TIMP3: variants seen among roughly 807,000 people sequenced by gnomAD.
TIMP3 encodes the protein TIMP metallopeptidase inhibitor 3.
Under a neutral mutation model 30.0 loss-of-function variants are expected in TIMP3, and 11 were observed. The observed-to-expected ratio is 0.37, with a 90% CI of 0.23 to 0.61. The LOEUF is 0.61. TIMP3 is among the 20% of genes least tolerant of loss of function. The pLI, the probability that TIMP3 is intolerant of heterozygous loss-of-function variation, is 0.70. For missense variants in TIMP3, 181 were observed against 276.8 expected, an observed-to-expected ratio of 0.65 and a Z score of 2.45; for synonymous variants, 112 against 111.3, an observed-to-expected ratio of 1.01 and a Z score of -0.04.
chr22:32,840,493 C>A (rs765506773), intron 1 of TIMP3, among the ~76,000 whole-genome samples: 1 of 152,064 alleles, frequency 6.6e-6, no homozygotes, highest in African/African-American at 2.4e-5. Context: ...GGCTGCTCGC[C>A]GCTCCCCACC....
intron 1 of TIMP3, among the ~76,000 whole-genome samples, chr22:32,808,532 A>G (rs2046826993): frequency 6.6e-6 from 1 of 152,178 alleles, no homozygotes; most frequent in Non-Finnish European, 1.5e-5. Context: ...CTCTTAGGAT[A>G]AAGTATCATC....
At chr22:32,853,277 CA>C (rs768783524) in intron 2 of TIMP3, among the ~76,000 whole-genome samples, 1 of 152,174 alleles carries the variant, frequency 6.6e-6, no homozygotes, top group Non-Finnish European at 1.5e-5. Context: ...TCCTGCTAGA[CA>C]AATTGCTGTA....
chr22:32,810,100 T>TCTAG (rs2046876503), intron 1 of TIMP3, among the ~76,000 whole-genome samples: 2 of 152,358 alleles, frequency 1.3e-5, no homozygotes, highest in South Asian at 4.1e-4. Context: ...AAGTATTGAT[T>TCTAG]CTAGCTAAAG....
chr22:32,808,063 A>G (rs981371724), intron 1 of TIMP3, among the ~76,000 whole-genome samples: 1 of 152,214 alleles, frequency 6.6e-6, no homozygotes, highest in Non-Finnish European at 1.5e-5. Flanking sequence ...AGGGAGAGGA[A>G]GGCTGCAATG....
chr22:32,850,658 G>T (rs1379392807), intron 2 of TIMP3, among the ~76,000 whole-genome samples: 2 of 152,082 alleles, frequency 1.3e-5, no homozygotes, highest in Non-Finnish European at 1.5e-5. Flanking sequence ...TTCAATGTGG[G>T]GTGTGCTGAG....
intron 1 of TIMP3, among the ~76,000 whole-genome samples, chr22:32,829,549 C>T (rs553874346): frequency 6.6e-6 from 1 of 152,378 alleles, no homozygotes; most frequent in South Asian, 2.1e-4. Context: ...GGCTGCCCGC[C>T]TCCTGTTTCG....
intron 2 of TIMP3, among the ~76,000 whole-genome samples, chr22:32,852,342 C>G (rs1569275876): frequency 6.6e-6 from 1 of 152,068 alleles, no homozygotes; most frequent in Non-Finnish European, 1.5e-5. Flanking sequence ...TTTTAGTTCC[C>G]AGGGAACAAA....
chr22:32,807,394 AATATATATATATTATATTTACATATATAT>A (rs2046789275), intron 1 of TIMP3, among the ~76,000 whole-genome samples: 1 of 100,620 alleles, frequency 9.9e-6, no homozygotes, highest in South Asian at 3.0e-4. Flanking sequence ...TATTATATAT[AATATATATATATTATATTTACATATATAT>A]TATATATATA....
rs771800947 is a variant in TIMP3 at position 32,857,332 on chromosome 22, G to A, written c.288G>A (p.Glu96=). 1 of 1,614,080 alleles carries A rather than the reference G, an allele frequency of 6.2e-7. No individual in the cohort carries two copies. The highest frequency in any genetic ancestry group is 1.3e-5 in the African/African-American group (1 of 75,026). Residue 96 remains glutamate, a synonymous_variant, in exon 3 of 5, where the codon GAG becomes GAA. Transcript: ENST00000266085. Reference sequence around the variant, plus strand: ...AGAGTCTCTGTGGCCTTAAGCTGGAGGTCAACAAGTACCAGTACCTGCTGA... The same window carrying A: ...AGAGTCTCTGTGGCCTTAAGCTGGAAGTCAACAAGTACCAGTACCTGCTGA... The part of the protein sequence containing the change: ...ASESLCGLKL[E]VNKYQYLLTG...
At chr22:32,812,846 T>A (rs146026539) in intron 1 of TIMP3, among the ~76,000 whole-genome samples, 1 of 152,234 alleles carries the variant, frequency 6.6e-6, no homozygotes, top group Admixed American at 6.5e-5. Context: ...AGTGACAGGA[T>A]AGAAAGCTCC....
At chr22:32,810,628 C>T (rs1055624492) in intron 1 of TIMP3, among the ~76,000 whole-genome samples, 1 of 152,128 alleles carries the variant, frequency 6.6e-6, no homozygotes. Flanking sequence ...GTAATTATCC[C>T]CTCTGCCTCT....
intron 1 of TIMP3, among the ~76,000 whole-genome samples, chr22:32,848,404 A>G (rs990401414): frequency 2.2e-4 from 34 of 152,214 alleles, no homozygotes; most frequent in African/African-American, 8.0e-4. Flanking sequence ...AGGCTCAGAA[A>G]GAGGAAGTGG....
intron 1 of TIMP3, among the ~76,000 whole-genome samples, chr22:32,827,175 T>C (rs564348103): frequency 6.6e-6 from 1 of 152,336 alleles, no homozygotes; most frequent in African/African-American, 2.4e-5. Context: ...GAGATGAGCT[T>C]TGGCCAGGAA....
In TIMP3 at chr22:32,841,767, G is replaced by A. The variant is rs1037208163; in HGVS notation, c.122-7685G>A. On this transcript the variant is annotated intron_variant, in intron 1 of 4. Coordinates refer to ENST00000266085, the MANE Select transcript of TIMP3 (RefSeq NM_000362.5). ...ATACCTCAGTGATGGGTTGATAGGT[G>A]CAGCAAATCACTATGGTACATGTTT... Among the ~76,000 whole-genome samples the A allele has an allele frequency of 5.8e-4, 88 of 152,052 alleles. 1 individual carries two copies. Among genetic ancestry groups the A allele is most frequent in the African/African-American group, 2.1e-3 (85 of 41,388 alleles).
At chr22:32,811,697 G>A (rs1036801024) in intron 1 of TIMP3, among the ~76,000 whole-genome samples, 5 of 152,190 alleles carry the variant, frequency 3.3e-5, no homozygotes, top group African/African-American at 1.2e-4. Flanking sequence ...TGATTGGGGG[G>A]TCGGTCATAG....
intron 1 of TIMP3, among the ~76,000 whole-genome samples, chr22:32,834,923 C>T (rs762854761): frequency 6.6e-6 from 1 of 152,178 alleles, no homozygotes; most frequent in Admixed American, 6.5e-5. Context: ...TGGACATTCC[C>T]TTCAGTCAGA....
In TIMP3 at chr22:32,837,392, T is replaced by G. The variant is rs1601501844; in HGVS notation, c.122-12060T>G. On this transcript the variant is annotated intron_variant, in intron 1 of 4. Transcript: ENST00000266085. This position sits in a 1 kb window ranked among gnomAD's most constrained non-coding sequence, Gnocchi z 4.1. Reference sequence around the variant, plus strand: ...TAAGCAAGTCGGCGCCTCTGACCCCTGAGTGGGCTTGAGCTTTTGAGAGGT... The same window carrying G: ...TAAGCAAGTCGGCGCCTCTGACCCCGGAGTGGGCTTGAGCTTTTGAGAGGT... 9.2e-6 allele frequency among the ~76,000 whole-genome samples: 1 copy of G among 108,420 alleles called. No homozygotes were observed. The highest frequency in any genetic ancestry group is 4.7e-5 in the African/African-American group (1 of 21,382). 71.1% of individuals were successfully genotyped at this position (108,420 alleles called of 152,430 possible).
intron 1 of TIMP3, among the ~76,000 whole-genome samples, chr22:32,833,001 G>A (rs1426153520): frequency 2.0e-5 from 3 of 152,068 alleles, no homozygotes; most frequent in East Asian, 1.9e-4. Flanking sequence ...CCGAAGTCCT[G>A]GGATTACAGG....
chr22:32,836,170 G>C (rs130299), intron 1 of TIMP3, among the ~76,000 whole-genome samples: 11 of 151,698 alleles, frequency 7.3e-5, no homozygotes, highest in Non-Finnish European at 1.6e-4. Context: ...ACATTTTGGG[G>C]AATGGTTTTA....
Sources: allele counts gnomAD v4.1 joint callset (sites outside exome capture counted in the v4.1 genomes callset), GRCh38; gene constraint gnomAD v4.1.1; non-coding constraint Gnocchi (gnomAD v3.1); transcripts MANE v1.5; gene names NCBI Gene and HGNC (gene_info 2026-07-23, HGNC 2026-07-21).